COG5: variants seen among roughly 807,000 people sequenced by gnomAD.
COG5 encodes the protein component of oligomeric golgi complex 5.
Under a neutral mutation model 110.4 loss-of-function variants are expected in COG5, and 86 were observed. That is an observed-to-expected ratio of 0.78 (90% CI 0.65 to 0.93). The LOEUF is 0.93. Ranked by LOEUF, COG5 falls within the 40% of genes least tolerant of loss-of-function variation. The pLI is 0.00. For synonymous variants in COG5, 360 were observed against 334.6 expected, an observed-to-expected ratio of 1.08 and a Z score of -0.83; for missense variants, 1,077 against 987.0, an observed-to-expected ratio of 1.09 and a Z score of -1.22.
intron 13 of COG5, 108 bp downstream of exon 13, chr7:107,283,463 C>T (rs1805351172): frequency 1.1e-6 from 1 of 937,030 alleles, no homozygotes; most frequent in African/African-American, 1.7e-5. Context: ...AATTGTGGGC[C>T]TAATTACTTG....
intron 10 of COG5, among the ~76,000 whole-genome samples, chr7:107,352,621 G>T (rs552203214): frequency 1.3e-5 from 2 of 151,902 alleles, no homozygotes; most frequent in African/African-American, 4.8e-5. Context: ...ATATTGAAAA[G>T]ATTTCAAATT....
intron 8 of COG5, among the ~76,000 whole-genome samples, chr7:107,371,816 G>A (rs1443830321): frequency 6.6e-6 from 1 of 152,226 alleles, no homozygotes; most frequent in African/African-American, 2.4e-5. Flanking sequence ...GCAATACCTT[G>A]TAGTGATGGG....
chr7:107,326,268 C>G (rs2129028489), intron 10 of COG5, among the ~76,000 whole-genome samples: 1 of 152,198 alleles, frequency 6.6e-6, no homozygotes, highest in Middle Eastern at 3.4e-3. Context: ...CCCACTCTTA[C>G]CACTTCTATA....
At position 107,235,024 on chromosome 7, in the gene COG5, G is replaced by A. The variant is rs185149339; in HGVS notation, c.2091+1426C>T. 2.1e-3 allele frequency among the ~76,000 whole-genome samples: 320 copies of A among 152,278 alleles called. 3 individuals are homozygous for A. The highest frequency in any genetic ancestry group is 7.4e-3 in the African/African-American group (307 of 41,546). Reference sequence around the variant, plus strand: ...TGTTTTTATGCTGTGGCTACTACAAGCATATTTTCCAAATGAAGGCTCATT... The same window carrying A: ...TGTTTTTATGCTGTGGCTACTACAAACATATTTTCCAAATGAAGGCTCATT... On this transcript the variant is annotated intron_variant, in intron 18 of 21. Transcript: ENST00000297135.
At chr7:107,557,501 A>G (rs1490159939) in intron 2 of COG5, among the ~76,000 whole-genome samples, 2 of 152,222 alleles carry the variant, frequency 1.3e-5, no homozygotes, top group African/African-American at 2.4e-5. Flanking sequence ...TCAGTTAACA[A>G]CAGCATAGCT....
At chr7:107,508,469 CA>C (rs1253319606) in intron 6 of COG5, among the ~76,000 whole-genome samples, 1 of 152,228 alleles carries the variant, frequency 6.6e-6, no homozygotes, top group Non-Finnish European at 1.5e-5. Flanking sequence ...CACAGACAAA[CA>C]AAAAGACAGC....
rs760514658 is a variant in COG5 at position 107,258,364 on chromosome 7, G to A, written c.1595C>T (p.Ala532Val). The A allele has an allele frequency of 1.9e-6, 3 of 1,608,098 alleles. No homozygotes were observed. Among genetic ancestry groups the A allele is most frequent in the Non-Finnish European group, 2.6e-6 (3 of 1,174,930 alleles). Residue 532 changes from alanine to valine, a missense_variant, in exon 15 of 22, where the codon GCA (alanine) becomes GTA (valine). Transcript: ENST00000297135. Reference protein sequence around the residue: ...SEQLLSTQGDASQVIGPLTEG... With the variant: ...SEQLLSTQGDVSQVIGPLTEG... ...AGTAAGAGGCCCAATCACCTGACTT[G>A]CATCTCCTTGTGTGGAGAGCTGTAA...
intron 6 of COG5, among the ~76,000 whole-genome samples, chr7:107,466,260 T>C (rs977215599): frequency 6.6e-6 from 1 of 152,132 alleles, no homozygotes; most frequent in Non-Finnish European, 1.5e-5. Flanking sequence ...AAAGTAGACA[T>C]GCCAACAGTT....
chr7:107,369,420 T>C (rs1041910777), intron 8 of COG5, among the ~76,000 whole-genome samples: 19 of 144,614 alleles, frequency 1.3e-4, no homozygotes, highest in African/African-American at 5.0e-4. Flanking sequence ...GGAGTCTTGC[T>C]CTGTTGCCCA....
intron 8 of COG5, among the ~76,000 whole-genome samples, chr7:107,368,989 G>A (rs1186199848): frequency 6.6e-6 from 1 of 152,166 alleles, no homozygotes; most frequent in African/African-American, 2.4e-5. Flanking sequence ...TTAAGAGACA[G>A]AGTCTTGTTA....
At chr7:107,437,011 T>C (rs939662367) in intron 6 of COG5, among the ~76,000 whole-genome samples, 13 of 152,200 alleles carry the variant, frequency 8.5e-5, no homozygotes, top group Admixed American at 3.3e-4. Context: ...ACAGCATGTA[T>C]TGACCAAGTC....
At chr7:107,310,391 G>A (rs1265850396) in intron 11 of COG5, among the ~76,000 whole-genome samples, 1 of 152,178 alleles carries the variant, frequency 6.6e-6, no homozygotes, top group Non-Finnish European at 1.5e-5. Flanking sequence ...AATTAGAGAA[G>A]CAATGGCTTG....
At chr7:107,445,856 A>G (rs1794976282) in intron 6 of COG5, among the ~76,000 whole-genome samples, 1 of 152,210 alleles carries the variant, frequency 6.6e-6, no homozygotes, top group African/African-American at 2.4e-5. Context: ...ACACACCAAC[A>G]AACAAAAGAG....
chr7:107,514,329 TACACACACACACACAC>T (rs61351697), intron 6 of COG5, among the ~76,000 whole-genome samples: 14,468 of 145,704 alleles, frequency 0.099, 1,747 homozygotes, highest in African/African-American at 0.29. Flanking sequence ...TGGCCTATTT[TACACACACACACACAC>T]ACACACACAC....
intron 19 of COG5, among the ~76,000 whole-genome samples, chr7:107,219,707 A>C (rs978634242): frequency 7.9e-5 from 12 of 152,286 alleles, no homozygotes; most frequent in African/African-American, 2.9e-4. Context: ...GGTTTTAGTT[A>C]AAGGGTACAA....
chr7:107,371,175 G>A (rs17154047), intron 8 of COG5, among the ~76,000 whole-genome samples: 6,599 of 152,172 alleles, frequency 0.043, 469 homozygotes, highest in African/African-American at 0.15. Context: ...CCTATTCAGA[G>A]GCTAGGCCTA....
Position 107,311,370 on chromosome 7 carries a change from ATTTTTTTTTTTTTTTTTTT to A in COG5, c.1109-13043_1109-13025del, listed in dbSNP as rs71134260. Among the ~76,000 whole-genome samples, 14 of 58,950 alleles carry A rather than the reference ATTTTTTTTTTTTTTTTTTT, an allele frequency of 2.4e-4. 1 individual carries two copies. Among genetic ancestry groups the A allele is most frequent in the South Asian group, 1.9e-3 (2 of 1,064 alleles). The allele number at this position is 58,950 out of a possible 152,430, so 38.7% of individuals were successfully genotyped here. A position where few individuals can be genotyped will look rare whatever the true frequency, so the allele number is the denominator to read the frequency against. ...TATAAGTGATATCGAGCGTATTTAC[ATTTTTTTTTTTTTTTTTTT>A]TTTTTTTTTTTTTTTGAGACGGAGT... On this transcript the variant is annotated intron_variant, in intron 11 of 21. Coordinates refer to ENST00000297135, the MANE Select transcript of COG5 (RefSeq NM_006348.5).
intron 6 of COG5, among the ~76,000 whole-genome samples, chr7:107,517,722 G>A (rs940816891): frequency 2.0e-5 from 3 of 150,858 alleles, no homozygotes; most frequent in African/African-American, 7.3e-5. Flanking sequence ...TTTTGTGATG[G>A]AGTCTCACTC....
intron 10 of COG5, among the ~76,000 whole-genome samples, chr7:107,333,917 A>G (rs1810481866): frequency 1.3e-5 from 2 of 152,172 alleles, no homozygotes. Flanking sequence ...TTAAAGGTTG[A>G]TTAATAAGGT....
Sources: gnomAD v4.1 joint callset for allele counts (sites outside exome capture counted in the v4.1 genomes callset) on GRCh38, gnomAD v4.1.1 for gene constraint, MANE v1.5 for transcripts, NCBI Gene and HGNC (gene_info 2026-07-23, HGNC 2026-07-21) for gene names.